REDIC1: variants seen among roughly 807,000 people sequenced by gnomAD.
The protein encoded by REDIC1 is HEI10 Interacting Protein 1.
the REDIC1 span, among the ~76,000 whole-genome samples, chr12:39,891,165 T>C: frequency 6.7e-6 from 1 of 150,044 alleles, no homozygotes; most frequent in Non-Finnish European, 1.5e-5. Context: ...CTAGGATGCT[T>C]GTCCTCTGGG....
At chr12:39,772,022 T>C in the REDIC1 span, among the ~76,000 whole-genome samples, 3 of 152,262 alleles carry the variant, frequency 2.0e-5, no homozygotes, top group East Asian at 5.8e-4. Flanking sequence ...CCTGTGTGGA[T>C]GCTACCCATT....
chr12:39,661,029 T>C, the REDIC1 span, among the ~76,000 whole-genome samples: 1 of 152,196 alleles, frequency 6.6e-6, no homozygotes. Flanking sequence ...TTTGTAAATT[T>C]ACCACATTTT....
chr12:39,896,382 A>G, the REDIC1 span, among the ~76,000 whole-genome samples: 1 of 128,870 alleles, frequency 7.8e-6, no homozygotes, highest in Admixed American at 7.6e-5. Context: ...ACATATATGT[A>G]TGTATATGTG....
the REDIC1 span, chr12:39,764,426 AAAC>A: frequency 6.6e-7 from 1 of 1,504,950 alleles, no homozygotes; most frequent in Non-Finnish European, 8.9e-7. Context: ...ATAAAAATAA[AAAC>A]AAAACTATGT....
chr12:39,729,094 C>T, the REDIC1 span, among the ~76,000 whole-genome samples: 1 of 151,976 alleles, frequency 6.6e-6, no homozygotes, highest in Admixed American at 6.6e-5. Context: ...TTTTGTTAAT[C>T]TTTTCAAAAA....
At chr12:39,749,823 A>G in the REDIC1 span, among the ~76,000 whole-genome samples, 1 of 152,236 alleles carries the variant, frequency 6.6e-6, no homozygotes, top group African/African-American at 2.4e-5. Flanking sequence ...AAACCACATG[A>G]TTATCTCAAT....
At chr12:39,790,274 G>A in the REDIC1 span, among the ~76,000 whole-genome samples, 195 of 150,590 alleles carry the variant, frequency 1.3e-3, 4 homozygotes, top group African/African-American at 4.4e-3. Context: ...CATTGTGCAG[G>A]TTAGTTACAT....
chr12:39,768,703 A>G, the REDIC1 span, among the ~76,000 whole-genome samples: 1 of 152,120 alleles, frequency 6.6e-6, no homozygotes, highest in Admixed American at 6.6e-5. Context: ...GATGCCCGAC[A>G]ACAATTACAA....
chr12:39,884,301 G>T, the REDIC1 span, among the ~76,000 whole-genome samples: 1 of 152,090 alleles, frequency 6.6e-6, no homozygotes, highest in African/African-American at 2.4e-5. Flanking sequence ...AAGTTAAACA[G>T]ACGTGAAATT....
chr12:39,864,886 A>T, the REDIC1 span: 1 of 946,272 alleles, frequency 1.1e-6, no homozygotes, highest in Admixed American at 2.9e-5. Flanking sequence ...GTGGTACCTT[A>T]AAAAAAAAAA....
the REDIC1 span, chr12:39,764,462 T>C: frequency 6.4e-7 from 1 of 1,569,470 alleles, no homozygotes; most frequent in Non-Finnish European, 8.6e-7. Flanking sequence ...TATCTTACCA[T>C]AGTATGTAAG....
At chr12:39,785,075 G>A in the REDIC1 span, among the ~76,000 whole-genome samples, 3 of 152,138 alleles carry the variant, frequency 2.0e-5, no homozygotes, top group South Asian at 2.1e-4. Flanking sequence ...AATTCAAGCC[G>A]GCTGCAGAAA....
the REDIC1 span, among the ~76,000 whole-genome samples, chr12:39,792,887 A>G: frequency 2.8e-3 from 422 of 151,868 alleles, 1 homozygote; most frequent in African/African-American, 9.9e-3. Flanking sequence ...AATTTCTATC[A>G]ATGTGGGGCT....
chr12:39,868,713 T>C, the REDIC1 span, among the ~76,000 whole-genome samples: 1 of 152,192 alleles, frequency 6.6e-6, no homozygotes, highest in Non-Finnish European at 1.5e-5. Flanking sequence ...GATCCAAATC[T>C]TCCAATATTA....
At chr12:39,738,749 T>A in the REDIC1 span, among the ~76,000 whole-genome samples, 1 of 152,208 alleles carries the variant, frequency 6.6e-6, no homozygotes, top group Non-Finnish European at 1.5e-5. Context: ...ATTCAATGGT[T>A]ATTATTTCCT....
chr12:39,642,974 A>G, the REDIC1 span, among the ~76,000 whole-genome samples: 5 of 151,576 alleles, frequency 3.3e-5, no homozygotes, highest in Non-Finnish European at 7.4e-5. Flanking sequence ...TCAAATTATG[A>G]CCTCTTGCAC....
chr12:39,830,024 G>A, the REDIC1 span: 1 of 1,568,292 alleles, frequency 6.4e-7, no homozygotes, highest in Non-Finnish European at 8.7e-7. Context: ...TGCTATAAGT[G>A]CAAGCACTCT....
chr12:39,735,346 T>C, the REDIC1 span, among the ~76,000 whole-genome samples: 3 of 152,154 alleles, frequency 2.0e-5, no homozygotes, highest in East Asian at 5.8e-4. Flanking sequence ...GGGATATTTA[T>C]TAGGTAGTGA....
chr12:39,810,758 A>G, the REDIC1 span, among the ~76,000 whole-genome samples: 1 of 152,130 alleles, frequency 6.6e-6, no homozygotes, highest in South Asian at 2.1e-4. Flanking sequence ...TTCTTCTCTT[A>G]ATATAATGAA....
Sources: allele counts gnomAD v4.1 joint callset (sites outside exome capture counted in the v4.1 genomes callset), GRCh38; gene constraint gnomAD v4.1.1; transcripts MANE v1.5; gene names NCBI Gene and HGNC (gene_info 2026-07-23, HGNC 2026-07-21).